The following ARHGAP32 variants were observed in gnomAD, a reference collection of about 807,000 sequenced individuals.
ARHGAP32 encodes Rho GTPase activating protein 32, also known as rho GTPase-activating protein 32.
A neutral mutation model predicts 186.5 loss-of-function variants in ARHGAP32; 51 were observed. The observed-to-expected ratio is 0.27, with a 90% CI of 0.22 to 0.35. The LOEUF is 0.35. Ranked by LOEUF, ARHGAP32 falls within the 10% of genes least tolerant of loss-of-function variation. The probability of loss-of-function intolerance (pLI) is 1.00; values close to 1 mark genes in which losing one functional copy is unlikely to be tolerated. For missense variants in ARHGAP32, 2,186 were observed against 2,623.5 expected (o/e 0.83, Z 3.64); for synonymous variants, 950 against 964.3 (o/e 0.99, Z 0.27).
chr11:129,151,589 C>T (rs675050), intron 2 of ARHGAP32, among the ~76,000 whole-genome samples: 43,500 of 151,840 alleles, frequency 0.29, 6,558 homozygotes, highest in Middle Eastern at 0.4. Context: ...TAAAAACACA[C>T]GAAAATTAAA....
chr11:129,253,164 G>C (rs1034439004), intron 1 of ARHGAP32, among the ~76,000 whole-genome samples: 1 of 152,158 alleles, frequency 6.6e-6, no homozygotes, highest in Non-Finnish European at 1.5e-5. Flanking sequence ...GGAACTGCCA[G>C]ATAAAGATCC....
At chr11:128,975,741 A>G (rs1945524683) in intron 20 of ARHGAP32, among the ~76,000 whole-genome samples, 1 of 152,160 alleles carries the variant, frequency 6.6e-6, no homozygotes, top group Non-Finnish European at 1.5e-5. Context: ...AGAGGCAGAA[A>G]CTATCTTAAT....
intron 1 of ARHGAP32, among the ~76,000 whole-genome samples, chr11:129,246,486 C>G (rs1270862182): frequency 6.6e-6 from 1 of 152,080 alleles, no homozygotes; most frequent in Non-Finnish European, 1.5e-5. Context: ...AATTTTACTT[C>G]CCAAAGCATG....
chr11:129,268,223 A>C (rs1346076167), intron 1 of ARHGAP32, among the ~76,000 whole-genome samples: 2 of 152,188 alleles, frequency 1.3e-5, no homozygotes, highest in Non-Finnish European at 2.9e-5. Context: ...TAGAAAGAGA[A>C]AAGACTGGTG....
rs533298613 is a variant in ARHGAP32, at chr11:129,028,284, T to G, written c.1045+12644A>C. Among the ~76,000 whole-genome samples the G allele has an allele frequency of 3.3e-5, 5 of 152,220 alleles. No individual in the cohort carries two copies. In the East Asian group the frequency reaches 7.7e-4, roughly 23 times the overall value. On this transcript the variant is annotated intron_variant, in intron 11 of 22. Transcript: ENST00000682385. ...AATTCAAGTTTGTCAAAGAGTGGCCTAGGGAACCTTCACACAAAAAAATGG... is the reference window on the plus strand; with the variant it reads ...AATTCAAGTTTGTCAAAGAGTGGCCGAGGGAACCTTCACACAAAAAAATGG...
At chr11:129,011,019 A>G (rs1938050509) in intron 11 of ARHGAP32, among the ~76,000 whole-genome samples, 1 of 152,208 alleles carries the variant, frequency 6.6e-6, no homozygotes, top group South Asian at 2.1e-4. Flanking sequence ...AGTGTCTGCC[A>G]TAACCTAGGA....
chr11:129,100,607 C>T (rs1006383549), intron 5 of ARHGAP32, among the ~76,000 whole-genome samples: 4 of 152,140 alleles, frequency 2.6e-5, no homozygotes, highest in South Asian at 2.1e-4. Context: ...CTCCACCTGC[C>T]GACCACCACT....
At chr11:129,067,981 G>A (rs1940750573) in intron 6 of ARHGAP32, among the ~76,000 whole-genome samples, 1 of 152,056 alleles carries the variant, frequency 6.6e-6, no homozygotes, top group African/African-American at 2.4e-5. Context: ...AATAATAGAT[G>A]TGGTCAAGAC....
At chr11:129,257,409 A>G (rs989485206) in intron 1 of ARHGAP32, among the ~76,000 whole-genome samples, 5 of 152,070 alleles carry the variant, frequency 3.3e-5, no homozygotes, top group Non-Finnish European at 7.4e-5. Context: ...CACAGTCACC[A>G]TTTCTTCAGT....
chr11:128,998,216 G>C, intron 12 of ARHGAP32, 103 bp downstream of exon 12: 1 of 995,254 alleles, frequency 1.0e-6, no homozygotes, highest in Non-Finnish European at 1.4e-6. Context: ...GAACTGAAAT[G>C]AAACAGGTAT....
intron 1 of ARHGAP32, among the ~76,000 whole-genome samples, chr11:129,260,736 A>C (rs12276552): frequency 0.021 from 3,129 of 152,270 alleles, 59 homozygotes; most frequent in African/African-American, 0.045. Flanking sequence ...GGCAACCTCC[A>C]AAATCTTAGC....
intron 1 of ARHGAP32, among the ~76,000 whole-genome samples, chr11:129,258,096 A>T (rs1945277832): frequency 6.6e-6 from 1 of 152,214 alleles, no homozygotes; most frequent in Non-Finnish European, 1.5e-5. Flanking sequence ...CTTTAAAGGG[A>T]ATATTCAATT....
intron 1 of ARHGAP32, among the ~76,000 whole-genome samples, chr11:129,247,625 C>T (rs1337738154): frequency 6.6e-6 from 1 of 152,128 alleles, no homozygotes; most frequent in Non-Finnish European, 1.5e-5. Context: ...AGGTATGATA[C>T]AGCAATTTTC....
intron 12 of ARHGAP32, among the ~76,000 whole-genome samples, chr11:128,995,945 C>T (rs1010873586): frequency 5.3e-5 from 8 of 152,172 alleles, no homozygotes; most frequent in Admixed American, 2.0e-4. Context: ...TAAGATAAGT[C>T]CCTAAGGATG....
At chr11:129,195,678 C>T (rs532417252), upstream of ARHGAP32, among the ~76,000 whole-genome samples, 404 of 152,150 alleles carry the variant, frequency 2.7e-3, no homozygotes, top group African/African-American at 9.2e-3. Context: ...CACGCCATTG[C>T]GCTCCAGCCT....
intron 1 of ARHGAP32, among the ~76,000 whole-genome samples, chr11:129,212,932 T>A (rs1944598992): frequency 6.6e-6 from 1 of 151,986 alleles, no homozygotes; most frequent in African/African-American, 2.4e-5. Flanking sequence ...AAAGCTCAAT[T>A]TTCATATAAA....
chr11:129,149,813 A>C (rs1212012582), intron 2 of ARHGAP32, among the ~76,000 whole-genome samples: 3 of 152,208 alleles, frequency 2.0e-5, no homozygotes, highest in African/African-American at 7.2e-5. Context: ...AGAAGAAAAA[A>C]AAAATATCAG....
rs576497428 is a variant in ARHGAP32, at chr11:129,092,997, T to C, written c.531+624A>G. 1.4e-4 allele frequency among the ~76,000 whole-genome samples: 21 copies of C among 152,128 alleles called. No individual in the cohort carries two copies. The South Asian group carries it at 3.9e-3, about 29-fold the overall frequency. ...AATAATCAATGCTACAAATGACATA[T>C]TTTAAGTCTCATTAAGAACAAGTCA... is the stretch of plus-strand genomic sequence containing the variant. On this transcript the variant is annotated intron_variant, in intron 6 of 22. Coordinates refer to ENST00000682385, the MANE Select transcript of ARHGAP32 (RefSeq NM_001378024.1).
At chr11:129,160,230 T>C (rs1029938933) in intron 2 of ARHGAP32, among the ~76,000 whole-genome samples, 8 of 152,040 alleles carry the variant, frequency 5.3e-5, no homozygotes, top group African/African-American at 1.7e-4. Context: ...CTATTCAACA[T>C]AGTACTAGAT....
Sources: gnomAD v4.1 joint callset for allele counts (sites outside exome capture counted in the v4.1 genomes callset) on GRCh38, gnomAD v4.1.1 for gene constraint, MANE v1.5 for transcripts, NCBI Gene and HGNC (gene_info 2026-07-23, HGNC 2026-07-21) for gene names.